USP45: variants seen among roughly 807,000 people sequenced by gnomAD.
USP45 encodes the protein ubiquitin carboxyl-terminal hydrolase 45.
USP45 carries 89 observed loss-of-function variants against 95.8 expected under a neutral mutation model. That is an observed-to-expected ratio of 0.93 (90% CI 0.78 to 1.11). USP45 has a LOEUF of 1.11. USP45 is among the 50% of genes least tolerant of loss of function. The pLI is 0.00. For missense variants in USP45, 898 were observed against 942.5 expected, an observed-to-expected ratio of 0.95 and a Z score of 0.62; for synonymous variants, 281 against 316.2, an observed-to-expected ratio of 0.89 and a Z score of 1.18.
chr6:99,469,685 A>G (rs1049255905), intron 9 of USP45, among the ~76,000 whole-genome samples: 7 of 151,218 alleles, frequency 4.6e-5, no homozygotes, highest in Non-Finnish European at 8.8e-5. Context: ...GTTTTGCCAT[A>G]TTGCCCAGGC....
chr6:99,463,845 T>C (rs1023787974), intron 13 of USP45, among the ~76,000 whole-genome samples: 2 of 143,328 alleles, frequency 1.4e-5, no homozygotes, highest in African/African-American at 2.6e-5. Context: ...CTGCAATCCA[T>C]AGACCTCTTT....
In USP45 at chr6:99,445,815, C is replaced by A; in HGVS notation, c.1957G>T (p.Glu653Ter). 3 of 1,572,788 alleles carry A rather than the reference C, an allele frequency of 1.9e-6. No homozygotes were observed. The highest frequency in any genetic ancestry group is 1.7e-6 in the Non-Finnish European group (2 of 1,164,488). The change falls in exon 14 of 18, where the codon GAA becomes TAA. Residue 653 changes from glutamate (E) to a stop codon, truncating the protein, a stop_gained. Coordinates refer to ENST00000500704, the MANE Select transcript of USP45 (RefSeq NM_001346022.3). LOFTEE classifies it high-confidence loss of function. ...NCTKNKQKYQ[E>*]ETSFAEKKVE... The stretch of plus-strand genomic sequence containing the variant: ...TAATTACCTGCAAAACTGGTTTCTT[C>A]TTGGTACTTCTGTTTGTTTTTAGTA...
At chr6:99,498,270 T>A (rs1337554321) in intron 5 of USP45, among the ~76,000 whole-genome samples, 1 of 152,144 alleles carries the variant, frequency 6.6e-6, no homozygotes, top group Non-Finnish European at 1.5e-5. Context: ...TTTTGGAGGG[T>A]GAAAGTGCAA....
intron 9 of USP45, among the ~76,000 whole-genome samples, chr6:99,471,922 T>C (rs1374528966): frequency 6.6e-6 from 1 of 152,204 alleles, no homozygotes; most frequent in Admixed American, 6.5e-5. Flanking sequence ...TGAAATTGAA[T>C]AGATCCACAG....
rs117772913 is a variant in USP45 at position 99,486,758 on chromosome 6, A to G, written c.714+1442T>C. 3.3e-5 allele frequency among the ~76,000 whole-genome samples: 5 copies of G among 152,180 alleles called. No homozygotes were observed. The East Asian group carries it at 9.6e-4, about 29-fold the overall frequency. On this transcript the variant is annotated intron_variant, in intron 7 of 17. Transcript: ENST00000500704. Reference sequence around the variant, plus strand: ...GATTACTAAGCATGTTTAGAGGGCTAAGCATTTTTAGAACTCTTTAATTGT... The same window carrying G: ...GATTACTAAGCATGTTTAGAGGGCTGAGCATTTTTAGAACTCTTTAATTGT...
intron 5 of USP45, among the ~76,000 whole-genome samples, chr6:99,502,918 GA>G (rs1797704622): frequency 6.6e-6 from 1 of 152,168 alleles, no homozygotes; most frequent in African/African-American, 2.4e-5. Flanking sequence ...GGCCTCCCCA[GA>G]AGCTGAGCTG....
In USP45 at chr6:99,435,143, T is replaced by C. The variant is rs915455348; in HGVS notation, c.*573A>G. On this transcript the variant is annotated 3_prime_UTR_variant, in exon 18 of 18. Transcript: ENST00000500704. ...TTTCCTAAATGGTAGTACACATATA[T>C]ACCACTAGATGGCCCTGAGATGATT... 17 of 152,626 alleles carry C rather than the reference T, an allele frequency of 1.1e-4. No individual in the cohort carries two copies. Among genetic ancestry groups the C allele is most frequent in the African/African-American group, 3.9e-4 (16 of 41,456 alleles). The allele number at this position is 152,626 out of a possible 1,614,324, so 9.5% of individuals were successfully genotyped here.
Position 99,446,339 on chromosome 6 carries a change from G to A in USP45, c.1433C>T (p.Ser478Phe). 6.2e-7 allele frequency: 1 copy of A among 1,614,172 alleles called. No individual in the cohort carries two copies. The highest frequency in any genetic ancestry group is 8.5e-7 in the Non-Finnish European group (1 of 1,180,032). Reference sequence around the variant, plus strand: ...AGGGCTTTCATTCAGACGTGACTCAGAATTCATGAGGCTGGCAAACATTAA... The same window carrying A: ...AGGGCTTTCATTCAGACGTGACTCAAAATTCATGAGGCTGGCAAACATTAA... ...DSLMFASLMN[S>F]ESRLNESPTD... The change falls in exon 14 of 18, where the codon TCT becomes TTT. Residue 478 changes from serine (S) to phenylalanine (F), a missense_variant. Physicochemically the swap from Ser to Phe is radical, Grantham distance 155. Coordinates refer to ENST00000500704, the MANE Select transcript of USP45 (RefSeq NM_001346022.3).
In USP45 at chr6:99,446,463, T is replaced by G. The variant is rs1324801215; in HGVS notation, c.1309A>C (p.Ser437Arg). 6.2e-7 allele frequency: 1 copy of G among 1,606,666 alleles called. No homozygotes were observed. The highest frequency in any genetic ancestry group is 1.7e-5 in the Admixed American group (1 of 59,022). ...AKKHSSSKDK[S>R]QLIHDRKCIR... is the part of the protein sequence containing the mutation. ...CATTTTCGGTCATGAATTAGTTGAC[T>G]CTGTAAGTTGACAGTGTTTTCAAAG... Residue 437 changes from serine to arginine, a missense_variant and splice_region_variant, in exon 14 of 18, where the codon AGT becomes CGT. Ser to Arg is a moderately radical substitution (Grantham distance 110, BLOSUM62 -1). Coordinates refer to ENST00000500704, the MANE Select transcript of USP45 (RefSeq NM_001346022.3).
At chr6:99,501,801 C>T in intron 5 of USP45, 3 of 645,576 alleles carry the variant, frequency 4.6e-6, no homozygotes, top group Non-Finnish European at 6.5e-6. Context: ...TAATACATTA[C>T]TGTTATATAA....
intron 1 of USP45, chr6:99,514,802 G>A (rs1305016438): frequency 2.0e-5 from 3 of 152,254 alleles, no homozygotes; most frequent in Admixed American, 2.0e-4. Context: ...TGTGTATCAC[G>A]CTCAGTTCTA....
chr6:99,505,660 A>C (rs942579704), intron 4 of USP45, among the ~76,000 whole-genome samples: 3 of 140,224 alleles, frequency 2.1e-5, no homozygotes, highest in Non-Finnish European at 4.7e-5. Context: ...AAAAAAAAAA[A>C]CATAATGCAT....
Position 99,508,826 on chromosome 6 carries a change from C to A in USP45, c.101-44G>T, listed in dbSNP as rs765440459. ...AATCTCAACATTTTCTTTGCTACAC[C>A]AAAGTGCTACCATTACTGAGCAAAC... On this transcript the variant is annotated intron_variant, in intron 2 of 17. Coordinates refer to ENST00000500704, the MANE Select transcript of USP45 (RefSeq NM_001346022.3). 9.1e-6 allele frequency: 14 copies of A among 1,545,496 alleles called. No homozygotes were observed. The East Asian group carries it at 2.8e-4, about 31-fold the overall frequency.
chr6:99,487,056 T>C (rs1276220252), intron 7 of USP45, among the ~76,000 whole-genome samples: 8 of 152,128 alleles, frequency 5.3e-5, no homozygotes, highest in Non-Finnish European at 1.2e-4. Context: ...TAGGCTCTGG[T>C]TGAATAACCT....
Position 99,459,253 on chromosome 6 carries a change from T to C in USP45, c.1308+5351A>G, listed in dbSNP as rs565221486. On this transcript the variant is annotated intron_variant, in intron 13 of 17. Transcript: ENST00000500704. ...CTTGTGGTATTTGGTTTTCTGTTCC[T>C]GTGTGAGTTTGCTAACGACAATGGC... Among the ~76,000 whole-genome samples, 6 of 152,292 alleles carry C rather than the reference T, an allele frequency of 3.9e-5. No individual in the cohort carries two copies. In the East Asian group the frequency reaches 1.2e-3, roughly 29 times the overall value.
chr6:99,442,397 TGTGGATAGGGATGGCAG>T (rs1781692465), intron 15 of USP45, among the ~76,000 whole-genome samples: 1 of 152,216 alleles, frequency 6.6e-6, no homozygotes, highest in Non-Finnish European at 1.5e-5. Flanking sequence ...TAATCTAATC[TGTGGATAGGGATGGCAG>T]GATGGAGAAA....
intron 8 of USP45, among the ~76,000 whole-genome samples, chr6:99,477,823 C>T (rs915808100): frequency 6.6e-6 from 1 of 152,170 alleles, no homozygotes; most frequent in Admixed American, 6.5e-5. Flanking sequence ...TCCCTACCTG[C>T]ACTTGGTGGA....
chr6:99,469,598 GCCTCCCAAGTA>G (rs1788888140), intron 9 of USP45, among the ~76,000 whole-genome samples: 1 of 150,936 alleles, frequency 6.6e-6, no homozygotes, highest in Non-Finnish European at 1.5e-5. Context: ...TACTGCCTCA[GCCTCCCAAGTA>G]CCTGGGACTA....
chr6:99,510,942 T>C (rs6919202), intron 1 of USP45, among the ~76,000 whole-genome samples: 78,513 of 151,962 alleles, frequency 0.52, 21,422 homozygotes, highest in Middle Eastern at 0.69. Context: ...GGATGAGCCA[T>C]ACTGGATCAA....
Sources: gnomAD v4.1 joint callset for allele counts (sites outside exome capture counted in the v4.1 genomes callset) on GRCh38, gnomAD v4.1.1 for gene constraint, MANE v1.5 for transcripts, NCBI Gene and HGNC (gene_info 2026-07-23, HGNC 2026-07-21) for gene names.